PDE6A: variants seen among roughly 807,000 people sequenced by gnomAD.
PDE6A encodes rod cGMP-specific 3',5'-cyclic phosphodiesterase subunit alpha.
A neutral mutation model predicts 106.3 loss-of-function variants in PDE6A; 84 were observed. The ratio of observed to expected loss-of-function variants is 0.79; its 90% CI spans 0.66 to 0.95. The LOEUF (loss-of-function observed/expected upper bound fraction) is 0.95, where lower values mean the gene tolerates loss of function less well. PDE6A is among the 40% of genes least tolerant of loss of function. The pLI is 0.00. For missense variants in PDE6A, 1,052 were observed against 1,084.9 expected (o/e 0.97, Z 0.43); for synonymous variants, 394 against 386.6 (o/e 1.02, Z -0.23).
intron 4 of PDE6A, among the ~76,000 whole-genome samples, chr5:149,928,209 C>CTATATATATATATATATA (rs1213238607): frequency 2.0e-4 from 9 of 44,550 alleles, no homozygotes; most frequent in African/African-American, 1.1e-3. Context: ...ATTGTATGTG[C>CTATATATATATATATATA]TATATATATA....
intron 21 of PDE6A, among the ~76,000 whole-genome samples, chr5:149,862,532 G>A (rs1408641498): frequency 6.6e-6 from 1 of 152,186 alleles, no homozygotes; most frequent in Non-Finnish European, 1.5e-5. Flanking sequence ...GCCGAGGCGG[G>A]TGGATCACCT....
At chr5:149,867,578 C>T (rs914731974) in intron 19 of PDE6A, 147 bp downstream of exon 19, 1 of 753,330 alleles carries the variant, frequency 1.3e-6, no homozygotes. Context: ...TGACAGTGGC[C>T]TGGAGACCAC....
At chr5:149,883,098 A>G (rs1399216581) in intron 17 of PDE6A, among the ~76,000 whole-genome samples, 1 of 152,164 alleles carries the variant, frequency 6.6e-6, no homozygotes, top group African/African-American at 2.4e-5. Context: ...CTTAATTGCT[A>G]TAGTGCTTTC....
intron 4 of PDE6A, among the ~76,000 whole-genome samples, chr5:149,923,149 C>T (rs1185376384): frequency 6.6e-6 from 1 of 152,180 alleles, no homozygotes; most frequent in Admixed American, 6.6e-5. Context: ...TTGAAGGTTG[C>T]CCAATTCATG....
intron 4 of PDE6A, among the ~76,000 whole-genome samples, chr5:149,923,433 G>T (rs1753778468): frequency 6.6e-6 from 1 of 152,106 alleles, no homozygotes; most frequent in African/African-American, 2.4e-5. Context: ...GGGAGGGGGA[G>T]GTTGCAGTGA....
chr5:149,928,528 G>A (rs1010820303), intron 4 of PDE6A, among the ~76,000 whole-genome samples: 2 of 151,786 alleles, frequency 1.3e-5, no homozygotes, highest in African/African-American at 2.4e-5. Context: ...GAGCCACCGC[G>A]CCCGGCCTGT....
chr5:149,923,551 A>AACATT (rs1439611041), intron 4 of PDE6A, among the ~76,000 whole-genome samples: 26 of 125,150 alleles, frequency 2.1e-4, no homozygotes, highest in Non-Finnish European at 3.9e-4. Flanking sequence ...AACATAACAT[A>AACATT]ACATAACATA....
intron 20 of PDE6A, among the ~76,000 whole-genome samples, chr5:149,865,605 G>A (rs1387292239): frequency 1.3e-5 from 2 of 152,210 alleles, no homozygotes; most frequent in Non-Finnish European, 2.9e-5. Flanking sequence ...AGCTCACACA[G>A]CATAAAGAGA....
chr5:149,889,229 A>G (rs1752449338), intron 13 of PDE6A, among the ~76,000 whole-genome samples: 2 of 151,942 alleles, frequency 1.3e-5, no homozygotes, highest in South Asian at 4.1e-4. Context: ...ATTTTCTTTG[A>G]GTATTGGTCT....
At chr5:149,903,766 C>G (rs1753076602) in intron 7 of PDE6A, 71 bp from the exon 8 acceptor site, 1 of 1,098,806 alleles carries the variant, frequency 9.1e-7, no homozygotes, top group Admixed American at 1.7e-5. Context: ...GCACTGTATA[C>G]CATTTTCAGA....
intron 21 of PDE6A, among the ~76,000 whole-genome samples, chr5:149,862,822 C>T (rs1760191221): frequency 6.6e-6 from 1 of 152,162 alleles, no homozygotes; most frequent in South Asian, 2.1e-4. Flanking sequence ...TCCTTTGTCC[C>T]AGGGTAGGGA....
In PDE6A at chr5:149,931,054, C is replaced by A. The variant is rs2113656282; in HGVS notation, c.832G>T (p.Gly278Cys). The A allele has an allele frequency of 6.2e-7, 1 of 1,614,032 alleles. No homozygotes were observed. The highest frequency in any genetic ancestry group is 8.5e-7 in the Non-Finnish European group (1 of 1,179,946). Residue 278 changes from glycine (G) to cysteine (C), a missense_variant, in exon 4 of 22, where the codon GGT becomes TGT. Coordinates refer to ENST00000255266, the MANE Select transcript of PDE6A (RefSeq NM_000440.3). ...TTCTGCTTGGTCATGTCTAAGAGACCCACAGAGTATCTGTCACAGTTGAGG... is the reference window on the plus strand; with the variant it reads ...TTCTGCTTGGTCATGTCTAAGAGACACACAGAGTATCTGTCACAGTTGAGG... ...AFLNCDRYSVGLLDMTKQKEF... is the reference protein window; with the variant it reads ...AFLNCDRYSVCLLDMTKQKEF...
At chr5:149,922,319 T>C (rs1753747736) in intron 4 of PDE6A, among the ~76,000 whole-genome samples, 1 of 151,288 alleles carries the variant, frequency 6.6e-6, no homozygotes, top group East Asian at 1.9e-4. Context: ...ATTATTATTA[T>C]TATTATTTTG....
intron 6 of PDE6A, among the ~76,000 whole-genome samples, chr5:149,912,093 T>A (rs1753405799): frequency 6.6e-6 from 1 of 152,118 alleles, no homozygotes; most frequent in African/African-American, 2.4e-5. Context: ...TGCTCTATGT[T>A]CTTCTCTCCT....
At chr5:149,911,179 C>G (rs139681822) in intron 6 of PDE6A, among the ~76,000 whole-genome samples, 3 of 152,046 alleles carry the variant, frequency 2.0e-5, no homozygotes, top group Admixed American at 6.6e-5. Flanking sequence ...CTGTGCCCGG[C>G]AACAAGCCAG....
chr5:149,872,024 C>T (rs1000221280), intron 17 of PDE6A, among the ~76,000 whole-genome samples: 1 of 152,098 alleles, frequency 6.6e-6, no homozygotes, highest in Non-Finnish European at 1.5e-5. Context: ...CAAGAGTATG[C>T]CACAAAAATA....
chr5:149,917,157 T>C (rs1046688448), intron 5 of PDE6A, among the ~76,000 whole-genome samples: 8 of 152,068 alleles, frequency 5.3e-5, no homozygotes, highest in Admixed American at 4.6e-4. Flanking sequence ...CAATTTTGTT[T>C]TTCTAGGAAT....
At chr5:149,864,966 A>C (rs1760271576) in intron 20 of PDE6A, among the ~76,000 whole-genome samples, 1 of 152,174 alleles carries the variant, frequency 6.6e-6, no homozygotes, top group South Asian at 2.1e-4. Context: ...TCAGCTGGGC[A>C]CCATGGCTCA....
At position 149,895,170 on chromosome 5, in the gene PDE6A, G is replaced by A. The variant is rs144868706; in HGVS notation, c.1728+13C>T. ...GCAAGCCCACCCTACCAGCCCCACC[G>A]GCCCCGCCATACCACCAGCAGGGAG... On this transcript the variant is annotated intron_variant, in intron 13 of 21. Coordinates refer to ENST00000255266, the MANE Select transcript of PDE6A (RefSeq NM_000440.3). The A allele has an allele frequency of 8.9e-5, 140 of 1,571,468 alleles. 1 individual carries two copies. Among genetic ancestry groups the A allele is most frequent in the African/African-American group, 2.8e-4 (21 of 74,204 alleles).
Sources: gnomAD v4.1 joint callset for allele counts (sites outside exome capture counted in the v4.1 genomes callset) on GRCh38, gnomAD v4.1.1 for gene constraint, MANE v1.5 for transcripts, NCBI Gene and HGNC (gene_info 2026-07-23, HGNC 2026-07-21) for gene names.